The following CMC1 variants were observed in gnomAD, a reference collection of about 807,000 sequenced individuals.
CMC1 encodes the protein COX assembly mitochondrial protein homolog.
Under a neutral mutation model 14.1 loss-of-function variants are expected in CMC1, and 14 were observed. The ratio of observed to expected loss-of-function variants is 0.99; its 90% confidence interval spans 0.66 to 1.55. The LOEUF (loss-of-function observed/expected upper bound fraction) is 1.55. Among genes scored for constraint, CMC1 ranks in the 40% most tolerant of loss-of-function variants. The probability of loss-of-function intolerance (pLI) is 0.00; values close to 1 mark genes in which losing one functional copy is unlikely to be tolerated. For synonymous variants in CMC1, 50 were observed against 38.4 expected, an observed-to-expected ratio of 1.30 and a Z score of -1.12; for missense variants, 127 against 123.8, an observed-to-expected ratio of 1.03 and a Z score of -0.12.
At chr3:28,283,775 C>T (rs1485195926) in intron 2 of CMC1, among the ~76,000 whole-genome samples, 1 of 152,132 alleles carries the variant, frequency 6.6e-6, no homozygotes, top group Non-Finnish European at 1.5e-5. Context: ...CATCTCAATA[C>T]AGATTACTGC....
At chr3:28,266,389 A>AT (rs1700006868) in intron 2 of CMC1, among the ~76,000 whole-genome samples, 1 of 152,178 alleles carries the variant, frequency 6.6e-6, no homozygotes, top group South Asian at 2.1e-4. Context: ...ATACAAAAAA[A>AT]TTTTAGCTTT....
At chr3:28,247,100 T>C (rs996211472) in intron 1 of CMC1, among the ~76,000 whole-genome samples, 14 of 152,150 alleles carry the variant, frequency 9.2e-5, no homozygotes, top group African/African-American at 3.4e-4. Context: ...TTCTGGATCT[T>C]TGTCATATAC....
intron 2 of CMC1, among the ~76,000 whole-genome samples, chr3:28,264,357 C>T (rs1413756874): frequency 6.6e-6 from 1 of 152,132 alleles, no homozygotes; most frequent in South Asian, 2.1e-4. Flanking sequence ...TGTTCCCTTC[C>T]CTGTCCTCTG....
At chr3:28,314,283 T>C (rs1413443950) in intron 2 of CMC1, among the ~76,000 whole-genome samples, 2 of 152,232 alleles carry the variant, frequency 1.3e-5, no homozygotes, top group Non-Finnish European at 2.9e-5. Context: ...GACTTTTAGA[T>C]AGCCATGTGG....
intron 2 of CMC1, among the ~76,000 whole-genome samples, chr3:28,287,222 G>A (rs929187516): frequency 6.6e-6 from 1 of 152,064 alleles, no homozygotes; most frequent in South Asian, 2.1e-4. Context: ...TACGTTTTAT[G>A]AGATGTGATC....
At chr3:28,249,853 A>G (rs1699037263) in intron 1 of CMC1, among the ~76,000 whole-genome samples, 1 of 152,204 alleles carries the variant, frequency 6.6e-6, no homozygotes, top group African/African-American at 2.4e-5. Context: ...CAAGACCAAG[A>G]TTCAAGGAGA....
chr3:28,241,788 G>A lies in CMC1; in HGVS notation c.-6G>A. On this transcript the variant is annotated 5_prime_UTR_variant, in exon 1 of 4. Transcript: ENST00000466830. ...CAAGCGGCTACGTTCTTCTCGGCCC[G>A]CCGAGATGGCGCTCGACCCCGCAGG... The A allele has an allele frequency of 8.1e-7, 1 of 1,240,894 alleles. No homozygotes were observed. The highest frequency in any genetic ancestry group is 1.5e-5 in the African/African-American group (1 of 64,580). The allele number at this position is 1,240,894 out of a possible 1,614,324, so 76.9% of individuals were successfully genotyped here. A position where few individuals can be genotyped will look rare whatever the true frequency, so the allele number is the denominator to read the frequency against.
rs112661081 is a variant in CMC1, at chr3:28,296,266, A to C, written c.110-20067A>C. Among the ~76,000 whole-genome samples, 394 of 152,230 alleles carry C rather than the reference A, an allele frequency of 2.6e-3. 2 individuals carry two copies. Among genetic ancestry groups the C allele is most frequent in the African/African-American group, 8.9e-3 (372 of 41,574 alleles). ...CACCATTGTAACCATGTAATATTTT[A>C]TACTAAAACCAGATGACTTAGGAAA... On this transcript the variant is annotated intron_variant, in intron 2 of 3. Transcript: ENST00000466830.
At position 28,323,241 on chromosome 3, in the gene CMC1, C is replaced by T. The variant is rs1187640701; in HGVS notation, c.*3612C>T. 6.6e-6 allele frequency: 1 copy of T among 151,140 alleles called. No individual in the cohort carries two copies. Among genetic ancestry groups the T allele is most frequent in the Non-Finnish European group, 1.5e-5 (1 of 67,332 alleles). 9.4% of individuals were successfully genotyped at this position (151,140 alleles called of 1,614,324 possible). A position where few individuals can be genotyped will look rare whatever the true frequency, so the allele number is the denominator to read the frequency against. On this transcript the variant is annotated 3_prime_UTR_variant, in exon 4 of 4. Transcript: ENST00000466830. The stretch of plus-strand genomic sequence containing the variant: ...ACACACATTTATGTTTATATTATGG[C>T]CCACAGAAGGGCAGATTAGACTGAA...
At position 28,279,085 on chromosome 3, in the gene CMC1, C is replaced by A. The variant is rs9845448; in HGVS notation, c.109+15705C>A. ...TTCCTTCTGCAGAAAACTACTATAACCTATGAACAAAATAGGAAAAATAAC... is the reference window on the plus strand; with the variant it reads ...TTCCTTCTGCAGAAAACTACTATAAACTATGAACAAAATAGGAAAAATAAC... On this transcript the variant is annotated intron_variant, in intron 2 of 3. Transcript: ENST00000466830. 6.2e-3 allele frequency among the ~76,000 whole-genome samples: 951 copies of A among 152,218 alleles called. 7 individuals are homozygous for A. The highest frequency in any genetic ancestry group is 0.022 in the African/African-American group (912 of 41,540).
At chr3:28,294,400 C>T (rs1701638775) in intron 2 of CMC1, 1 of 610,936 alleles carries the variant, frequency 1.6e-6, no homozygotes, top group African/African-American at 2.0e-5. Flanking sequence ...TCCTTTTTGT[C>T]ATGTGAAATA....
In CMC1 at chr3:28,305,779, A is replaced by ATTTTTTTTT. The variant is rs71087685; in HGVS notation, c.110-10531_110-10523dup. ...GTGTCCAGAAGAGTTTTTCATAGGAATTTTTTTTTTTTTTTTTTTTTTTTT... is the reference window on the plus strand; with the variant it reads ...GTGTCCAGAAGAGTTTTTCATAGGAATTTTTTTTTTTTTTTTTTTTTTTTTTTTTTTTTT... On this transcript the variant is annotated intron_variant, in intron 2 of 3. Transcript: ENST00000466830. Among the ~76,000 whole-genome samples, 118 of 43,564 alleles carry ATTTTTTTTT rather than the reference A, an allele frequency of 2.7e-3. 4 individuals carry two copies. Among genetic ancestry groups the ATTTTTTTTT allele is most frequent in the African/African-American group, 8.9e-3 (80 of 8,996 alleles). 28.6% of individuals were successfully genotyped at this position (43,564 alleles called of 152,430 possible).
chr3:28,260,785 G>A (rs894133272), intron 1 of CMC1, among the ~76,000 whole-genome samples: 1 of 151,904 alleles, frequency 6.6e-6, no homozygotes, highest in Non-Finnish European at 1.5e-5. Context: ...TTGATATATT[G>A]TGTTTTTATT....
chr3:28,268,712 C>G (rs187845726), intron 2 of CMC1, among the ~76,000 whole-genome samples: 2 of 152,298 alleles, frequency 1.3e-5, no homozygotes, highest in Non-Finnish European at 2.9e-5. Context: ...GCTATGTTAA[C>G]TCTTTTCTGC....
chr3:28,319,260 C>T (rs770581199), intron 3 of CMC1: 11 of 532,614 alleles, frequency 2.1e-5, no homozygotes, highest in East Asian at 1.4e-4. Flanking sequence ...TCCTTTACAC[C>T]GTGGGTTCCC....
chr3:28,270,811 C>A (rs576214036), intron 2 of CMC1, among the ~76,000 whole-genome samples: 60 of 151,562 alleles, frequency 4.0e-4, no homozygotes, highest in Non-Finnish European at 7.4e-4. Flanking sequence ...GCATTTTCGT[C>A]ATGAAATTCT....
At chr3:28,314,105 T>C (rs1016223198) in intron 2 of CMC1, among the ~76,000 whole-genome samples, 1 of 152,256 alleles carries the variant, frequency 6.6e-6, no homozygotes, top group Non-Finnish European at 1.5e-5. Flanking sequence ...TTTAGCTAGC[T>C]TTAGCTAATT....
intron 2 of CMC1, among the ~76,000 whole-genome samples, chr3:28,292,523 T>A (rs1458437428): frequency 2.6e-5 from 4 of 152,288 alleles, no homozygotes; most frequent in Non-Finnish European, 5.9e-5. Context: ...GCTCTTATAT[T>A]TAAGGTCACC....
intron 1 of CMC1, among the ~76,000 whole-genome samples, chr3:28,245,982 G>A (rs1240086011): frequency 6.6e-6 from 1 of 152,040 alleles, no homozygotes; most frequent in Non-Finnish European, 1.5e-5. Context: ...GTTTCACCAT[G>A]TCGCTTAGGC....
Sources: allele counts gnomAD v4.1 joint callset (sites outside exome capture counted in the v4.1 genomes callset), GRCh38; gene constraint gnomAD v4.1.1; transcripts MANE v1.5; gene names NCBI Gene and HGNC (gene_info 2026-07-23, HGNC 2026-07-21).